Variants in HDAC9 observed in about 807,000 individuals in gnomAD.
The protein encoded by HDAC9 is MEF-2 interacting transcription repressor (MITR) protein.
A neutral mutation model predicts 139.4 loss-of-function variants in HDAC9; 41 were observed. The ratio of observed to expected loss-of-function variants is 0.29; its 90% CI spans 0.23 to 0.38. HDAC9 has a LOEUF of 0.38. Among genes scored for constraint, HDAC9 ranks in the 10% least tolerant of loss-of-function variants. The probability of loss-of-function intolerance (pLI) is 1.00; values close to 1 mark genes in which losing one functional copy is unlikely to be tolerated. For synonymous variants in HDAC9, 517 were observed against 476.2 expected, an observed-to-expected ratio of 1.09 and a Z score of -1.12; for missense variants, 1,147 against 1,297.0, an observed-to-expected ratio of 0.88 and a Z score of 1.78.
At chr7:18,948,597 A>G (rs1234480056) in intron 23 of HDAC9, among the ~76,000 whole-genome samples, 3 of 152,136 alleles carry the variant, frequency 2.0e-5, no homozygotes, top group South Asian at 4.1e-4. Context: ...AAACATTTTA[A>G]TAATGAGTTT....
chr7:18,804,928 G>A (rs1411946477), intron 17 of HDAC9, among the ~76,000 whole-genome samples: 1 of 152,178 alleles, frequency 6.6e-6, no homozygotes, highest in African/African-American at 2.4e-5. Context: ...CTGAGTAGCT[G>A]GGACTACAGG....
intron 1 of HDAC9, among the ~76,000 whole-genome samples, chr7:18,300,587 A>G (rs708127): frequency 0.16 from 24,561 of 152,100 alleles, 2,187 homozygotes; most frequent in East Asian, 0.26. Context: ...CAATAAAATT[A>G]AGACATACTA....
At chr7:18,822,124 G>A (rs1407508729) in intron 17 of HDAC9, among the ~76,000 whole-genome samples, 1 of 152,004 alleles carries the variant, frequency 6.6e-6, no homozygotes, top group African/African-American at 2.4e-5. Context: ...CAAATTATTG[G>A]CCCTTGATAA....
At chr7:18,909,806 C>T (rs10253478) in intron 22 of HDAC9, among the ~76,000 whole-genome samples, 128,372 of 151,900 alleles carry the variant, frequency 0.85, 54,337 homozygotes, top group Admixed American at 0.9. Context: ...TTCTATTCCA[C>T]TGATCTATGT....
chr7:18,564,740 T>C (rs954820598), intron 2 of HDAC9, among the ~76,000 whole-genome samples: 4 of 152,140 alleles, frequency 2.6e-5, no homozygotes, highest in African/African-American at 9.6e-5. Context: ...TTAGATTTTA[T>C]TGAAACACTA....
intron 1 of HDAC9, among the ~76,000 whole-genome samples, chr7:18,372,245 A>G (rs1385510389): frequency 6.6e-6 from 1 of 152,218 alleles, no homozygotes; most frequent in East Asian, 1.9e-4. Flanking sequence ...TTGCAACTGT[A>G]TGAATATGAA....
intron 1 of HDAC9, among the ~76,000 whole-genome samples, chr7:18,294,233 G>A (rs1797999283): frequency 6.6e-6 from 1 of 152,106 alleles, no homozygotes; most frequent in Non-Finnish European, 1.5e-5. Context: ...GAGAGAGGGT[G>A]TGTGTGTATG....
chr7:18,893,620 A>G, intron 22 of HDAC9, among the ~76,000 whole-genome samples: 1 of 152,202 alleles, frequency 6.6e-6, no homozygotes, highest in East Asian at 1.9e-4. Context: ...TGGACATTGC[A>G]GATATAGAAC....
intron 1 of HDAC9, among the ~76,000 whole-genome samples, chr7:18,400,350 TCA>T (rs1787424952): frequency 6.6e-6 from 1 of 152,196 alleles, no homozygotes; most frequent in African/African-American, 2.4e-5. Context: ...AACAGCTGTA[TCA>T]ATGATTTGGA....
chr7:18,125,469 C>T (rs746813476), intron 1 of HDAC9, among the ~76,000 whole-genome samples: 1 of 151,344 alleles, frequency 6.6e-6, no homozygotes, highest in Non-Finnish European at 1.5e-5. Context: ...AATGGAGCAA[C>T]AAGATGAGGA....
intron 1 of HDAC9, among the ~76,000 whole-genome samples, chr7:18,480,244 A>C (rs1795449395): frequency 6.6e-6 from 1 of 152,204 alleles, no homozygotes; most frequent in African/African-American, 2.4e-5. Context: ...GATGGTAATC[A>C]CCAGTACATA....
chr7:18,547,857 T>TTCCCTCCC lies in HDAC9; in HGVS notation c.23-37424_23-37423insTCCCTCCC, dbSNP rs1563229989. Among the ~76,000 whole-genome samples, 106 of 118,498 alleles carry TTCCCTCCC rather than the reference T, an allele frequency of 8.9e-4. 1 individual carries two copies. Among genetic ancestry groups the TTCCCTCCC allele is most frequent in the African/African-American group, 3.5e-3 (90 of 25,404 alleles). The allele number at this position is 118,498 out of a possible 152,430, so 77.7% of individuals were successfully genotyped here. A position where few individuals can be genotyped will look rare whatever the true frequency, so the allele number is the denominator to read the frequency against. On this transcript the variant is annotated intron_variant, in intron 2 of 25. Transcript: ENST00000686413. ...CTTCCTTCCTTCCTTCCTTCCTTCC[T>TTCCCTCCC]ACCCTCCCTCCCTCCCTCCCTCCCT...
intron 1 of HDAC9, among the ~76,000 whole-genome samples, chr7:18,341,719 TA>T: frequency 6.6e-6 from 1 of 151,924 alleles, no homozygotes; most frequent in South Asian, 2.1e-4. Flanking sequence ...GTTTTTGGCC[TA>T]TTTTGATTGA....
chr7:18,755,008 G>C (rs553240800), intron 14 of HDAC9, among the ~76,000 whole-genome samples: 1 of 152,078 alleles, frequency 6.6e-6, no homozygotes, highest in African/African-American at 2.4e-5. Context: ...ATGGCAGCAC[G>C]TAACAGTGTA....
chr7:18,788,764 A>G (rs1252469727), intron 16 of HDAC9, among the ~76,000 whole-genome samples: 1 of 151,132 alleles, frequency 6.6e-6, no homozygotes, highest in African/African-American at 2.4e-5. Flanking sequence ...AAAAAAAAAA[A>G]AAAAAAGACC....
At chr7:18,696,729 A>G (rs1783079371) in intron 12 of HDAC9, among the ~76,000 whole-genome samples, 2 of 152,118 alleles carry the variant, frequency 1.3e-5, no homozygotes, top group South Asian at 4.1e-4. Flanking sequence ...CGGCCTCCCA[A>G]AGTGCTGGGA....
At chr7:18,595,538 T>C (rs1832230192) in intron 6 of HDAC9, among the ~76,000 whole-genome samples, 2 of 152,052 alleles carry the variant, frequency 1.3e-5, no homozygotes, top group South Asian at 2.1e-4. Context: ...ACTGAGATTA[T>C]GCAGATACTA....
chr7:18,174,019 CT>C (rs1196081929), intron 2 of HDAC9, among the ~76,000 whole-genome samples: 1 of 152,138 alleles, frequency 6.6e-6, no homozygotes, highest in Non-Finnish European at 1.5e-5. Context: ...GGAAGTTCTC[CT>C]CGATAATATC....
intron 25 of HDAC9, among the ~76,000 whole-genome samples, chr7:18,984,658 G>A (rs1174635725): frequency 6.6e-6 from 1 of 152,120 alleles, no homozygotes; most frequent in Non-Finnish European, 1.5e-5. Context: ...GGCAATTCAT[G>A]AAATATCAAT....
Sources: allele counts gnomAD v4.1 joint callset (sites outside exome capture counted in the v4.1 genomes callset), GRCh38; gene constraint gnomAD v4.1.1; transcripts MANE v1.5; gene names NCBI Gene and HGNC (gene_info 2026-07-23, HGNC 2026-07-21).